MSRA: variants seen among roughly 807,000 people sequenced by gnomAD.
MSRA encodes the protein methionine sulfoxide reductase A.
MSRA carries 54 observed loss-of-function variants against 31.3 expected under a neutral mutation model. The observed-to-expected ratio is 1.73, with a 90% confidence interval of 1.39 to 2.17. The LOEUF (loss-of-function observed/expected upper bound fraction) is 2.17, where lower values mean the gene tolerates loss of function less well. MSRA is among the 30% of genes most tolerant of loss of function. The pLI is 0.00. For missense variants in MSRA, 507 were observed against 300.9 expected, an observed-to-expected ratio of 1.69 and a Z score of -5.07; for synonymous variants, 169 against 116.5, an observed-to-expected ratio of 1.45 and a Z score of -2.90.
intron 5 of MSRA, among the ~76,000 whole-genome samples, chr8:10,338,826 G>A (rs890831756): frequency 3.3e-5 from 5 of 152,162 alleles, no homozygotes; most frequent in African/African-American, 9.7e-5. Context: ...GCAAAACTGA[G>A]CTAGCAACCC....
intron 3 of MSRA, among the ~76,000 whole-genome samples, chr8:10,249,370 C>G (rs1014752110): frequency 7.2e-5 from 11 of 152,160 alleles, no homozygotes; most frequent in Non-Finnish European, 1.3e-4. Context: ...AGTTATATGA[C>G]AAAAACAGAG....
intron 1 of MSRA, among the ~76,000 whole-genome samples, chr8:10,113,347 T>C (rs1352196943): frequency 5.9e-5 from 8 of 135,726 alleles, no homozygotes; most frequent in Non-Finnish European, 6.2e-5. Flanking sequence ...AGCGAAAAGT[T>C]GATTTGGGAG....
chr8:10,212,247 T>C (rs1809568071), intron 2 of MSRA, among the ~76,000 whole-genome samples: 1 of 152,026 alleles, frequency 6.6e-6, no homozygotes, highest in Non-Finnish European at 1.5e-5. Flanking sequence ...CAAACTAGGA[T>C]ACATTCGAGA....
At chr8:10,317,013 G>A (rs1412051223) in intron 4 of MSRA, among the ~76,000 whole-genome samples, 2 of 152,166 alleles carry the variant, frequency 1.3e-5, no homozygotes, top group African/African-American at 2.4e-5. Flanking sequence ...GCAGCAGACT[G>A]TAAGGCAGGA....
At chr8:10,327,136 T>G (rs950162036) in intron 5 of MSRA, among the ~76,000 whole-genome samples, 2 of 152,236 alleles carry the variant, frequency 1.3e-5, no homozygotes, top group African/African-American at 4.8e-5. Flanking sequence ...TTACAATATA[T>G]TAAGTTCTAA....
At chr8:10,133,026 G>C (rs1465383201) in intron 1 of MSRA, among the ~76,000 whole-genome samples, 4 of 152,182 alleles carry the variant, frequency 2.6e-5, no homozygotes, top group Non-Finnish European at 5.9e-5. Flanking sequence ...TCATACAAGA[G>C]TGCCTAGAGT....
chr8:10,403,193 T>C (rs543764687), intron 5 of MSRA, among the ~76,000 whole-genome samples: 2 of 152,294 alleles, frequency 1.3e-5, no homozygotes, highest in East Asian at 3.9e-4. Context: ...CAGAGAAGCT[T>C]CCGGAAACTT....
chr8:10,066,430 C>T lies in MSRA; in HGVS notation c.142+11772C>T, dbSNP rs371459956. ...GTATTCATAAAATCATACACACACA[C>T]GCACAATTGTTGGTTTTTTATAAAA... On this transcript the variant is annotated intron_variant, in intron 1 of 5. Coordinates refer to ENST00000317173, the MANE Select transcript of MSRA (RefSeq NM_012331.5). Among the ~76,000 whole-genome samples, 8 of 152,320 alleles carry T rather than the reference C, an allele frequency of 5.3e-5. No individual in the cohort carries two copies. In the South Asian group the frequency reaches 1.2e-3, roughly 24 times the overall value.
intron 2 of MSRA, among the ~76,000 whole-genome samples, chr8:10,227,866 G>C (rs1287132148): frequency 6.6e-6 from 1 of 152,222 alleles, no homozygotes; most frequent in Non-Finnish European, 1.5e-5. Context: ...GTAGGGATAA[G>C]GAAGGTGTCT....
intron 2 of MSRA, among the ~76,000 whole-genome samples, chr8:10,224,066 C>A (rs1359125125): frequency 6.6e-6 from 1 of 152,148 alleles, no homozygotes; most frequent in African/African-American, 2.4e-5. Flanking sequence ...ATAGTGATAT[C>A]TCTTTGGCAA....
At chr8:10,140,325 G>T (rs1319355320) in intron 1 of MSRA, among the ~76,000 whole-genome samples, 1 of 152,204 alleles carries the variant, frequency 6.6e-6, no homozygotes, top group African/African-American at 2.4e-5. Flanking sequence ...AAAGGGCATA[G>T]AGTAGCCTTC....
intron 3 of MSRA, among the ~76,000 whole-genome samples, chr8:10,279,545 G>A (rs1028710778): frequency 1.2e-4 from 18 of 151,980 alleles, no homozygotes; most frequent in African/African-American, 4.1e-4. Flanking sequence ...ACTGGTTTAC[G>A]TCTCTGACTC....
At chr8:10,377,898 G>A (rs991333137) in intron 5 of MSRA, among the ~76,000 whole-genome samples, 5 of 152,234 alleles carry the variant, frequency 3.3e-5, no homozygotes, top group East Asian at 1.9e-4. Context: ...CCCTGGCAGT[G>A]CAGGCCCCCG....
Position 10,071,751 on chromosome 8 carries a change from G to T in MSRA, c.142+17093G>T, listed in dbSNP as rs1797742001. Reference sequence around the variant, plus strand: ...GTCAAACAGAACTCTGTGTACTGGTGTTCAGTTCCAAGGGAAGGCTGGCAC... The same window carrying T: ...GTCAAACAGAACTCTGTGTACTGGTTTTCAGTTCCAAGGGAAGGCTGGCAC... On this transcript the variant is annotated intron_variant, in intron 1 of 5. Coordinates refer to ENST00000317173, the MANE Select transcript of MSRA (RefSeq NM_012331.5). Among the ~76,000 whole-genome samples the T allele has an allele frequency of 2.6e-5, 4 of 152,148 alleles. No individual in the cohort carries two copies. The South Asian group carries it at 8.3e-4, about 31-fold the overall frequency.
intron 1 of MSRA, among the ~76,000 whole-genome samples, chr8:10,164,145 A>G (rs1804916140): frequency 6.6e-6 from 1 of 152,226 alleles, no homozygotes; most frequent in South Asian, 2.1e-4. Context: ...GCAGAATACT[A>G]CTTTTAACTG....
intron 1 of MSRA, among the ~76,000 whole-genome samples, chr8:10,203,339 A>G (rs1308582883): frequency 6.6e-6 from 1 of 152,090 alleles, no homozygotes; most frequent in Admixed American, 6.6e-5. Flanking sequence ...TGGGGAAACT[A>G]TTTCTGAGGG....
intron 2 of MSRA, among the ~76,000 whole-genome samples, chr8:10,218,125 T>TTTATTTATTTAC (rs1810163321): frequency 7.8e-6 from 1 of 128,376 alleles, no homozygotes; most frequent in African/African-American, 4.0e-5. Flanking sequence ...TATTTATTTA[T>TTTATTTATTTAC]TTATTTATTT....
chr8:10,089,142 A>G (rs199865455), intron 1 of MSRA, among the ~76,000 whole-genome samples: 2 of 147,868 alleles, frequency 1.4e-5, no homozygotes, highest in African/African-American at 5.0e-5. Flanking sequence ...TTTGTCCCAC[A>G]CACACACACA....
At chr8:10,191,631 G>T (rs1807514271) in intron 1 of MSRA, among the ~76,000 whole-genome samples, 2 of 152,178 alleles carry the variant, frequency 1.3e-5, no homozygotes, top group Admixed American at 6.5e-5. Context: ...AACAAAGTTT[G>T]TGGAGAAAAT....
Sources: allele counts gnomAD v4.1 joint callset (sites outside exome capture counted in the v4.1 genomes callset), GRCh38; gene constraint gnomAD v4.1.1; transcripts MANE v1.5; gene names NCBI Gene and HGNC (gene_info 2026-07-23, HGNC 2026-07-21).